The following PARD3B variants were observed in gnomAD, a reference collection of about 807,000 sequenced individuals.
PARD3B encodes the protein par-3 family cell polarity regulator beta, also known as partitioning defective 3 homolog B.
Under a neutral mutation model 130.2 loss-of-function variants are expected in PARD3B, and 103 were observed. The observed-to-expected ratio is 0.79, with a 90% confidence interval of 0.67 to 0.93. The LOEUF is 0.93. Ranked by LOEUF, PARD3B falls within the 40% of genes least tolerant of loss-of-function variation. PARD3B has a pLI of 0.00. For synonymous variants in PARD3B, 583 were observed against 553.2 expected, an observed-to-expected ratio of 1.05 and a Z score of -0.76; for missense variants, 1,609 against 1,499.2, an observed-to-expected ratio of 1.07 and a Z score of -1.21.
intron 10 of PARD3B, among the ~76,000 whole-genome samples, chr2:205,135,262 G>GTTTT (rs2032381447): frequency 6.6e-6 from 1 of 152,156 alleles, no homozygotes; most frequent in African/African-American, 2.4e-5. Flanking sequence ...AAAACTTAGG[G>GTTTT]GACAACCTTG....
chr2:204,751,342 C>G lies in PARD3B; in HGVS notation c.222+65060C>G, dbSNP rs1476568109. ...ACAAAAACAAAAACACAAAAAAATG[C>G]TTTCCTTTAGAAATTTATAAAACTT... On this transcript the variant is annotated intron_variant, in intron 2 of 22. Coordinates refer to ENST00000406610, the MANE Select transcript of PARD3B (RefSeq NM_001302769.2). 3.3e-5 allele frequency among the ~76,000 whole-genome samples: 5 copies of G among 152,288 alleles called. No individual in the cohort carries two copies. In the East Asian group the frequency reaches 9.6e-4, roughly 29 times the overall value.
At chr2:205,199,107 G>A (rs1310888489) in intron 15 of PARD3B, among the ~76,000 whole-genome samples, 1 of 152,064 alleles carries the variant, frequency 6.6e-6, no homozygotes, top group East Asian at 1.9e-4. Context: ...CAAAATAAAG[G>A]AATTATAGAG....
intron 22 of PARD3B, among the ~76,000 whole-genome samples, chr2:205,566,060 C>T (rs921254333): frequency 2.0e-5 from 3 of 152,062 alleles, no homozygotes; most frequent in Non-Finnish European, 4.4e-5. Flanking sequence ...ACAGCACACG[C>T]AGAGGCCTTG....
rs536615526 is a variant in PARD3B at position 205,082,597 on chromosome 2, G to A, written c.505-21829G>A. ...ATGTCTTCTCTCTCATTCTGCCTAG[G>A]TGTTTGTTAATTTTTTTCATCTTTT... On this transcript the variant is annotated intron_variant, in intron 4 of 22. Transcript: ENST00000406610. Among the ~76,000 whole-genome samples the A allele has an allele frequency of 8.6e-5, 13 of 151,852 alleles. 1 individual carries two copies. The South Asian group carries it at 2.7e-3, about 32-fold the overall frequency.
At chr2:205,266,956 G>C (rs531430316) in intron 16 of PARD3B, among the ~76,000 whole-genome samples, 1 of 152,034 alleles carries the variant, frequency 6.6e-6, no homozygotes, top group Non-Finnish European at 1.5e-5. Flanking sequence ...CAACAAAAAC[G>C]ATCTCATCCT....
Position 205,176,602 on chromosome 2 carries a change from C to G in PARD3B, c.1924+25C>G. 6.5e-7 allele frequency: 1 copy of G among 1,547,782 alleles called. No homozygotes were observed. The highest frequency in any genetic ancestry group is 2.3e-5 in the East Asian group (1 of 42,558). ...GGTAAGAGTCTATTCATTTTATCCA[C>G]TGCAAATGGAGTGAGAAAACACAAA... is the stretch of plus-strand genomic sequence containing the variant. On this transcript the variant is annotated intron_variant, in intron 13 of 22. Transcript: ENST00000406610. The surrounding 1 kb of genome is among the most constrained non-coding windows in gnomAD (Gnocchi z 5.3).
In PARD3B at chr2:205,619,430, T is replaced by C. The variant is rs979843241; in HGVS notation, c.*3617T>C. The C allele has an allele frequency of 1.3e-5, 2 of 152,184 alleles. No individual in the cohort carries two copies. Among genetic ancestry groups the C allele is most frequent in the African/African-American group, 2.4e-5 (1 of 41,448 alleles). The allele number at this position is 152,184 out of a possible 1,614,324, so 9.4% of individuals were successfully genotyped here. A position where few individuals can be genotyped will look rare whatever the true frequency, so the allele number is the denominator to read the frequency against. On this transcript the variant is annotated 3_prime_UTR_variant, in exon 23 of 23. Coordinates refer to ENST00000406610, the MANE Select transcript of PARD3B (RefSeq NM_001302769.2). Reference sequence around the variant, plus strand: ...AAACCTACAATCAATGGCCTTCAAATTGGTGTTAAATTGGGAGAACACCCT... The same window carrying C: ...AAACCTACAATCAATGGCCTTCAAACTGGTGTTAAATTGGGAGAACACCCT...
intron 1 of PARD3B, among the ~76,000 whole-genome samples, chr2:204,567,366 C>T (rs1045394052): frequency 1.3e-5 from 2 of 152,154 alleles, no homozygotes; most frequent in African/African-American, 4.8e-5. Flanking sequence ...TAAATAATAA[C>T]TCCCTATTCC....
intron 21 of PARD3B, among the ~76,000 whole-genome samples, chr2:205,536,251 G>T (rs1314495243): frequency 7.9e-6 from 1 of 126,626 alleles, no homozygotes; most frequent in Non-Finnish European, 1.7e-5. Flanking sequence ...AGGCTGAATT[G>T]ACTTTTGATT....
At chr2:205,607,687 G>C (rs891753247) in intron 22 of PARD3B, among the ~76,000 whole-genome samples, 3 of 152,104 alleles carry the variant, frequency 2.0e-5, no homozygotes, top group African/African-American at 7.2e-5. Flanking sequence ...TTTGAAGCTG[G>C]TTACTGAGCC....
chr2:205,017,842 A>T (rs948936142), intron 3 of PARD3B, among the ~76,000 whole-genome samples: 2 of 152,218 alleles, frequency 1.3e-5, no homozygotes, highest in Non-Finnish European at 2.9e-5. Context: ...CAGAACAGTG[A>T]GGTCAAGGGG....
intron 18 of PARD3B, among the ~76,000 whole-genome samples, chr2:205,372,344 A>C (rs1178754762): frequency 6.6e-6 from 1 of 152,148 alleles, no homozygotes; most frequent in African/African-American, 2.4e-5. Flanking sequence ...TTGTTATTAT[A>C]GCAATCTTAG....
chr2:204,673,963 A>C lies in PARD3B; in HGVS notation c.121-12218A>C, dbSNP rs946793067. 6.6e-6 allele frequency among the ~76,000 whole-genome samples: 1 copy of C among 152,168 alleles called. No homozygotes were observed. Among genetic ancestry groups the C allele is most frequent in the Non-Finnish European group, 1.5e-5 (1 of 68,044 alleles). On this transcript the variant is annotated intron_variant, in intron 1 of 22. Coordinates refer to ENST00000406610, the MANE Select transcript of PARD3B (RefSeq NM_001302769.2). This position sits in a 1 kb window ranked among gnomAD's most constrained non-coding sequence, Gnocchi z 4.7. ...GCCCTTGTCTATATCAAAAGATCTAAGTCTCAAGATTTGAGCTTTTACTCA... is the reference window on the plus strand; with the variant it reads ...GCCCTTGTCTATATCAAAAGATCTACGTCTCAAGATTTGAGCTTTTACTCA...
At chr2:205,472,872 G>T (rs1046182358) in intron 20 of PARD3B, among the ~76,000 whole-genome samples, 2 of 152,066 alleles carry the variant, frequency 1.3e-5, no homozygotes, top group Admixed American at 1.3e-4. Context: ...TGTATAGAGG[G>T]GGGGAACAGA....
chr2:205,132,988 A>G (rs1021578784), intron 10 of PARD3B, among the ~76,000 whole-genome samples: 4 of 152,174 alleles, frequency 2.6e-5, no homozygotes, highest in Admixed American at 2.6e-4. Context: ...ACGTATTACT[A>G]AATGAGCCAT....
At chr2:204,728,708 A>C (rs2039350526) in intron 2 of PARD3B, among the ~76,000 whole-genome samples, 1 of 152,236 alleles carries the variant, frequency 6.6e-6, no homozygotes, top group East Asian at 1.9e-4. Flanking sequence ...TCATTTTAAA[A>C]CAGTGAGTTG....
At chr2:205,098,371 A>C (rs1702533608) in intron 4 of PARD3B, among the ~76,000 whole-genome samples, 1 of 152,158 alleles carries the variant, frequency 6.6e-6, no homozygotes, top group Non-Finnish European at 1.5e-5. Flanking sequence ...AGGGGGAAAA[A>C]TCATGGCCAT....
intron 2 of PARD3B, among the ~76,000 whole-genome samples, chr2:204,838,235 T>C (rs957387988): frequency 6.6e-6 from 1 of 152,080 alleles, no homozygotes; most frequent in Non-Finnish European, 1.5e-5. Context: ...CAGGCTGCAA[T>C]GCAGTGGCAC....
intron 2 of PARD3B, among the ~76,000 whole-genome samples, chr2:204,838,310 G>C (rs1182176583): frequency 6.6e-6 from 1 of 151,500 alleles, no homozygotes; most frequent in African/African-American, 2.4e-5. Context: ...AGCCTCCCAA[G>C]TAGCTGGGAT....
Sources: gnomAD v4.1 joint callset for allele counts (sites outside exome capture counted in the v4.1 genomes callset) on GRCh38, gnomAD v4.1.1 for gene constraint, Gnocchi (gnomAD v3.1) non-coding constraint, MANE v1.5 for transcripts, NCBI Gene and HGNC (gene_info 2026-07-23, HGNC 2026-07-21) for gene names.